The following MICAL3 variants were observed in gnomAD, a reference collection of about 807,000 sequenced individuals.
The protein encoded by MICAL3 is [F-actin]-monooxygenase MICAL3.
MICAL3 carries 62 observed loss-of-function variants against 207.4 expected under a neutral mutation model. The ratio of observed to expected loss-of-function variants is 0.30; its 90% CI spans 0.24 to 0.37. MICAL3 has a LOEUF of 0.37. Ranked by LOEUF, MICAL3 falls within the 10% of genes least tolerant of loss-of-function variation. The pLI, the probability that MICAL3 is intolerant of heterozygous loss-of-function variation, is 1.00. For missense variants in MICAL3, 2,368 were observed against 2,635.6 expected, an observed-to-expected ratio of 0.90 and a Z score of 2.22; for synonymous variants, 1,077 against 1,069.3, an observed-to-expected ratio of 1.01 and a Z score of -0.14.
At chr22:17,826,822 C>T (rs1232883271) in intron 22 of MICAL3, among the ~76,000 whole-genome samples, 3 of 152,198 alleles carry the variant, frequency 2.0e-5, no homozygotes, top group Admixed American at 6.5e-5. Flanking sequence ...AAGCCGGAAA[C>T]GGAGGTTGGT....
Position 17,794,769 on chromosome 22 carries a change from C to T in MICAL3, c.5651-3468G>A, listed in dbSNP as rs530108727. On this transcript the variant is annotated intron_variant, in intron 29 of 31. Transcript: ENST00000441493. ...GCTGGGAGGAGTGCTGACGGGGCATCGAGAGACAGTGTGCAGAGAGACATC... is the reference window on the plus strand; with the variant it reads ...GCTGGGAGGAGTGCTGACGGGGCATTGAGAGACAGTGTGCAGAGAGACATC... 1.1e-4 allele frequency among the ~76,000 whole-genome samples: 16 copies of T among 152,218 alleles called. No homozygotes were observed. In the South Asian group the frequency reaches 1.2e-3, roughly 12 times the overall value.
Position 17,804,351 on chromosome 22 carries a change from C to A in MICAL3, c.5650+4493G>T, listed in dbSNP as rs2061969026. On this transcript the variant is annotated intron_variant, in intron 29 of 31. Transcript: ENST00000441493. ...CCTTAGGTTTCGTGCAGTCAGTGCT[C>A]TCCCAGGAATTCCCACGACCCCACT... is the stretch of plus-strand genomic sequence containing the variant. Among the ~76,000 whole-genome samples, 4 of 152,224 alleles carry A rather than the reference C, an allele frequency of 2.6e-5. No individual in the cohort carries two copies. The South Asian group carries it at 8.3e-4, about 32-fold the overall frequency.
At chr22:17,915,441 C>T (rs9604803) in intron 1 of MICAL3, among the ~76,000 whole-genome samples, 5 of 151,970 alleles carry the variant, frequency 3.3e-5, no homozygotes, top group Admixed American at 6.5e-5. Context: ...AAATACCTCA[C>T]GAGATGACCG....
intron 1 of MICAL3, among the ~76,000 whole-genome samples, chr22:17,958,458 G>C (rs1301065222): frequency 6.6e-6 from 1 of 152,178 alleles, no homozygotes; most frequent in African/African-American, 2.4e-5. Context: ...GGTGTCTCCT[G>C]CATCGGCCTT....
intron 16 of MICAL3, chr22:17,879,209 T>TTGGC: frequency 1.5e-6 from 1 of 652,826 alleles, no homozygotes; most frequent in Non-Finnish European, 2.6e-6. Flanking sequence ...ATTCTGGCTC[T>TTGGC]TGGCTGGGTG....
chr22:17,846,370 C>T (rs1372069091), intron 19 of MICAL3, among the ~76,000 whole-genome samples: 3 of 150,922 alleles, frequency 2.0e-5, no homozygotes, highest in Non-Finnish European at 1.5e-5. Flanking sequence ...ATTCCCAGCC[C>T]TTCACCTCAA....
intron 19 of MICAL3, among the ~76,000 whole-genome samples, chr22:17,856,399 T>C (rs931761861): frequency 1.3e-5 from 2 of 152,126 alleles, no homozygotes; most frequent in Non-Finnish European, 2.9e-5. Flanking sequence ...TGCGGACTCT[T>C]ACCTCCCTGG....
chr22:17,862,262 C>CA (rs1926597374), intron 19 of MICAL3: 1 of 825,706 alleles, frequency 1.2e-6, no homozygotes, highest in African/African-American at 1.9e-5. Flanking sequence ...CCCTTTTCTT[C>CA]TTTTTTTTTT....
intron 16 of MICAL3, 102 bp from the exon 17 acceptor site, chr22:17,872,125 A>T: frequency 1.0e-6 from 1 of 999,204 alleles, no homozygotes; most frequent in African/African-American, 1.6e-5. Context: ...ACCCTCACTA[A>T]GGGGTCTGCT....
At chr22:17,821,960 G>A in intron 24 of MICAL3, 70 bp downstream of exon 24, 1 of 1,569,732 alleles carries the variant, frequency 6.4e-7, no homozygotes, top group Non-Finnish European at 8.6e-7. Flanking sequence ...TGGCCCCTGA[G>A]CCACTCTTGT....
chr22:17,860,050 G>A, intron 19 of MICAL3: 1 of 358,250 alleles, frequency 2.8e-6, no homozygotes, highest in Non-Finnish European at 3.9e-6. Flanking sequence ...CGGAGTGGGA[G>A]TCCTGAGCCA....
chr22:17,853,877 C>G (rs947542808), intron 19 of MICAL3, among the ~76,000 whole-genome samples: 2 of 152,212 alleles, frequency 1.3e-5, no homozygotes, highest in Non-Finnish European at 2.9e-5. Flanking sequence ...GATCTGCACC[C>G]GCCCGTCCTA....
At position 17,827,691 on chromosome 22, in the gene MICAL3, T is replaced by C. The variant is rs760424212; in HGVS notation, c.3146A>G (p.Glu1049Gly). 1 of 1,583,078 alleles carries C rather than the reference T, an allele frequency of 6.3e-7. No homozygotes were observed. Among genetic ancestry groups the C allele is most frequent in the South Asian group, 1.2e-5 (1 of 86,362 alleles). Residue 1049 changes from glutamate to glycine, a missense_variant, in exon 22 of 32, where the codon GAG becomes GGG. Around this residue, in one of 4 missense-constraint regions of MICAL3, gnomAD observed 1,770 missense variants for 1,863.2 expected, o/e 0.95. Coordinates refer to ENST00000441493, the MANE Select transcript of MICAL3 (RefSeq NM_015241.3). ...DVHWTHIRER[E>G]EEERMAPASE... is the part of the protein sequence containing the mutation. ...GGCCGGCGCCATCCTCTCTTCCTCC[T>C]CTCTCTCACGGATATGAGTCCAGTG...
chr22:17,867,183 A>G (rs1274448258), intron 17 of MICAL3, among the ~76,000 whole-genome samples: 1 of 152,224 alleles, frequency 6.6e-6, no homozygotes, highest in Non-Finnish European at 1.5e-5. Context: ...GAATAAATCT[A>G]TTAGAAAGAC....
At chr22:17,825,410 T>C (rs942781715) in intron 22 of MICAL3, among the ~76,000 whole-genome samples, 3 of 152,144 alleles carry the variant, frequency 2.0e-5, no homozygotes, top group African/African-American at 7.2e-5. Context: ...CCACGTGCTA[T>C]GAAAGCCAGG....
At chr22:17,932,205 A>G (rs1387432227) in intron 1 of MICAL3, among the ~76,000 whole-genome samples, 4 of 152,320 alleles carry the variant, frequency 2.6e-5, no homozygotes, top group East Asian at 3.9e-4. Flanking sequence ...AATGAAGGAA[A>G]AAGTGTTAAG....
chr22:17,841,965 G>C lies in MICAL3; in HGVS notation c.2658C>G (p.Gly886=), dbSNP rs776043671. 6.0e-5 allele frequency: 96 copies of C among 1,607,040 alleles called. No individual in the cohort carries two copies. Among genetic ancestry groups the C allele is most frequent in the African/African-American group, 8.0e-5 (6 of 74,916 alleles). Residue 886 remains glycine, a synonymous_variant, in exon 20 of 32, where the codon GGC becomes GGG. Coordinates refer to ENST00000441493, the MANE Select transcript of MICAL3 (RefSeq NM_015241.3). The surrounding 1 kb of genome is among the most constrained non-coding windows in gnomAD (Gnocchi z 4.2). ...EEPSIAKRLR[G]TPERIELENY... ...TCTCCAGCTCGATCCGCTCTGGGGT[G>C]CCCCTCAGTCGCTTGGCGATGCTGG...
chr22:18,019,377 G>C (rs1361291543), intron 1 of MICAL3: 1 of 155,408 alleles, frequency 6.4e-6, no homozygotes, highest in Non-Finnish European at 1.5e-5. Context: ...ATGTCGGTTG[G>C]AAATAAGAAA....
At chr22:17,990,375 C>T (rs1224645837) in intron 1 of MICAL3, among the ~76,000 whole-genome samples, 1 of 152,150 alleles carries the variant, frequency 6.6e-6, no homozygotes, top group Non-Finnish European at 1.5e-5. Context: ...GACAGGAAGC[C>T]CCAAGCCTCA....
Sources: gnomAD v4.1 joint callset for allele counts (sites outside exome capture counted in the v4.1 genomes callset) on GRCh38, gnomAD v4.1.1 for gene constraint, gnomAD v4.1.1 regional missense constraint, Gnocchi (gnomAD v3.1) non-coding constraint, MANE v1.5 for transcripts, NCBI Gene and HGNC (gene_info 2026-07-23, HGNC 2026-07-21) for gene names.